Variants in MARCHF8 observed in about 807,000 individuals in gnomAD.
MARCHF8 encodes E3 ubiquitin-protein ligase MARCHF8.
A neutral mutation model predicts 51.6 loss-of-function variants in MARCHF8; 40 were observed. The observed-to-expected ratio is 0.77, with a 90% CI of 0.60 to 1.01. The LOEUF (loss-of-function observed/expected upper bound fraction) is 1.01, where lower values mean the gene tolerates loss of function less well. Ranked by LOEUF, MARCHF8 falls within the 50% of genes least tolerant of loss-of-function variation. The pLI is 0.00. For missense variants in MARCHF8, 685 were observed against 708.6 expected, an observed-to-expected ratio of 0.97 and a Z score of 0.38; for synonymous variants, 263 against 280.3, an observed-to-expected ratio of 0.94 and a Z score of 0.62.
At chr10:45,585,139 C>CT (rs1428855175) in intron 1 of MARCHF8, among the ~76,000 whole-genome samples, 1 of 152,168 alleles carries the variant, frequency 6.6e-6, no homozygotes, top group African/African-American at 2.4e-5. Flanking sequence ...TTTTAAGCCT[C>CT]TAAGTTTGTG....
intron 2 of MARCHF8, among the ~76,000 whole-genome samples, chr10:45,516,488 C>T (rs2043620289): frequency 6.6e-6 from 1 of 151,990 alleles, no homozygotes; most frequent in Non-Finnish European, 1.5e-5. Flanking sequence ...GTGGGCCAGG[C>T]ACGGTGGCTC....
At chr10:45,464,088 G>C (rs1038521747) in intron 4 of MARCHF8, 92 bp from the exon 5 acceptor site, 19 of 1,508,672 alleles carry the variant, frequency 1.3e-5, no homozygotes, top group Middle Eastern at 1.7e-4. Flanking sequence ...ACTAGCATGG[G>C]TAACTTGGTG....
At chr10:45,581,179 G>C (rs2044551718) in intron 1 of MARCHF8, among the ~76,000 whole-genome samples, 1 of 152,106 alleles carries the variant, frequency 6.6e-6, no homozygotes, top group African/African-American at 2.4e-5. Flanking sequence ...ATTTTTAGTT[G>C]CCACAATTGT....
intron 3 of MARCHF8, among the ~76,000 whole-genome samples, chr10:45,469,986 TAAA>T (rs1222817270): frequency 7.5e-6 from 1 of 133,084 alleles, no homozygotes; most frequent in Non-Finnish European, 1.6e-5. Flanking sequence ...CAAAAAAAAA[TAAA>T]AGAAGAAGAT....
intron 1 of MARCHF8, among the ~76,000 whole-genome samples, chr10:45,568,533 AC>A: frequency 6.6e-6 from 1 of 152,080 alleles, no homozygotes; most frequent in East Asian, 1.9e-4. Context: ...ATCCTGGCCA[AC>A]GTGGTGAAAC....
chr10:45,492,375 G>A (rs2043098563), intron 2 of MARCHF8, among the ~76,000 whole-genome samples: 1 of 151,366 alleles, frequency 6.6e-6, no homozygotes, highest in African/African-American at 2.4e-5. Context: ...TCGGCTCACT[G>A]CACGCTCCGC....
chr10:45,588,247 CA>C (rs2044638965), intron 1 of MARCHF8, among the ~76,000 whole-genome samples: 1 of 151,354 alleles, frequency 6.6e-6, no homozygotes, highest in African/African-American at 2.4e-5. Context: ...TTTCCTTATC[CA>C]TACAGTCATA....
At position 45,461,257 on chromosome 10, in the gene MARCHF8, C is replaced by G. The variant is rs1452049871; in HGVS notation, c.1243G>C (p.Glu415Gln). The change falls in exon 6 of 8, where the codon GAG becomes CAG. Residue 415 changes from glutamate to glutamine, a missense_variant. Glu to Gln is a conservative substitution (Grantham distance 29). Transcript: ENST00000453424. ...TTTCTCAGTGGCTTCAGCTTGGTCT[C>G]CATGATGAACTCATACTTGCAGAGC... is the stretch of plus-strand genomic sequence containing the variant. The part of the protein sequence containing the change: ...CELCKYEFIM[E>Q]TKLKPLRKWE... 1.3e-6 allele frequency: 2 copies of G among 1,555,498 alleles called. No individual in the cohort carries two copies. Among genetic ancestry groups the G allele is most frequent in the Non-Finnish European group, 1.7e-6 (2 of 1,149,594 alleles).
At chr10:45,574,254 T>C (rs952444956) in intron 1 of MARCHF8, among the ~76,000 whole-genome samples, 3 of 152,198 alleles carry the variant, frequency 2.0e-5, no homozygotes, top group African/African-American at 7.2e-5. Flanking sequence ...TGTTACAGCA[T>C]GGACTTTTAA....
upstream of MARCHF8, among the ~76,000 whole-genome samples, chr10:45,536,386 G>A (rs1232055808): frequency 6.6e-6 from 1 of 151,432 alleles, no homozygotes; most frequent in African/African-American, 2.4e-5. Context: ...CACACAAAAG[G>A]AAAAACAGAC....
chr10:45,492,007 T>C (rs2043089326), intron 2 of MARCHF8, among the ~76,000 whole-genome samples: 1 of 152,230 alleles, frequency 6.6e-6, no homozygotes, highest in Non-Finnish European at 1.5e-5. Context: ...AACTTAACAT[T>C]ATAAACCCAG....
chr10:45,461,558 G>A (rs1313254071), intron 5 of MARCHF8, 147 bp from the exon 6 acceptor site: 5 of 539,160 alleles, frequency 9.3e-6, no homozygotes, highest in Non-Finnish European at 8.6e-6. Context: ...AAACACAAAC[G>A]AAAACAATCA....
rs928203949 is a variant in MARCHF8, at chr10:45,560,563, C to T, written c.-78-27274G>A. On this transcript the variant is annotated intron_variant, in intron 1 of 6. Transcript: ENST00000319836. ...GCCCACAGTGCCAGCTTGTCAAGGC[C>T]GCAGCTGCTGACTCTTTACAGCACC... Among the ~76,000 whole-genome samples, 71 of 152,148 alleles carry T rather than the reference C, an allele frequency of 4.7e-4. 2 individuals carry two copies. Among genetic ancestry groups the T allele is most frequent in the Admixed American group, 4.5e-3 (68 of 15,270 alleles).
chr10:45,540,906 A>C (rs548685267), intron 1 of MARCHF8, among the ~76,000 whole-genome samples: 1 of 152,230 alleles, frequency 6.6e-6, no homozygotes. Context: ...GATCATTAAA[A>C]AGTCAGGAAA....
chr10:45,539,375 T>C (rs2044019030), upstream of MARCHF8, among the ~76,000 whole-genome samples: 1 of 152,102 alleles, frequency 6.6e-6, no homozygotes, highest in Non-Finnish European at 1.5e-5. Flanking sequence ...AGGAAAGATC[T>C]AAAATTGACA....
Position 45,458,460 on chromosome 10 carries a change from A to G in MARCHF8, c.1501T>C (p.Cys501Arg). 1 of 1,614,052 alleles carries G rather than the reference A, an allele frequency of 6.2e-7. No homozygotes were observed. Among genetic ancestry groups the G allele is most frequent in the Non-Finnish European group, 8.5e-7 (1 of 1,179,998 alleles). The change falls in exon 8 of 8, where the codon TGT (cysteine) becomes CGT (arginine). Residue 501 changes from cysteine (C) to arginine (R), a missense_variant. Coordinates refer to ENST00000453424, the MANE Select transcript of MARCHF8 (RefSeq NM_001282866.2). Reference protein sequence around the residue: ...TGGLLFMYVQCKVYVQLWKRL... With the variant: ...TGGLLFMYVQRKVYVQLWKRL... ...TTCCACAATTGCACATACACTTTAC[A>G]CTGAACATACATAAAAAGAAGTCCT...
chr10:45,549,121 AG>A (rs1434832690), intron 1 of MARCHF8, among the ~76,000 whole-genome samples: 1 of 152,124 alleles, frequency 6.6e-6, no homozygotes, highest in Non-Finnish European at 1.5e-5. Context: ...GATGAAGGAG[AG>A]GTCAAGGCTC....
At chr10:45,543,520 C>T (rs182719413) in intron 1 of MARCHF8, among the ~76,000 whole-genome samples, 2 of 152,070 alleles carry the variant, frequency 1.3e-5, no homozygotes, top group East Asian at 1.9e-4. Flanking sequence ...TGTATCTGGC[C>T]GGGCACGGTG....
intron 3 of MARCHF8, among the ~76,000 whole-genome samples, chr10:45,467,582 G>A (rs1843009795): frequency 6.6e-6 from 1 of 152,162 alleles, no homozygotes; most frequent in South Asian, 2.1e-4. Context: ...GAAGCTGACA[G>A]CTTCAAATAA....
Sources: gnomAD v4.1 joint callset for allele counts (sites outside exome capture counted in the v4.1 genomes callset) on GRCh38, gnomAD v4.1.1 for gene constraint, MANE v1.5 for transcripts, NCBI Gene and HGNC (gene_info 2026-07-23, HGNC 2026-07-21) for gene names.